The following FILIP1L variants were observed in gnomAD, a reference collection of about 807,000 sequenced individuals.
FILIP1L encodes filamin A-interacting protein 1-like.
Under a neutral mutation model 96.6 loss-of-function variants are expected in FILIP1L, and 55 were observed. The ratio of observed to expected loss-of-function variants is 0.57; its 90% confidence interval spans 0.46 to 0.71. The LOEUF (loss-of-function observed/expected upper bound fraction) is 0.71. FILIP1L is among the 30% of genes least tolerant of loss of function. The probability of loss-of-function intolerance (pLI) is 0.00; values close to 1 mark genes in which losing one functional copy is unlikely to be tolerated. For missense variants in FILIP1L, 1,304 were observed against 1,321.2 expected (o/e 0.99, Z 0.20); for synonymous variants, 467 against 473.9 (o/e 0.99, Z 0.19).
At chr3:99,905,932 C>G (rs1399591639) in intron 4 of FILIP1L, among the ~76,000 whole-genome samples, 1 of 152,196 alleles carries the variant, frequency 6.6e-6, no homozygotes, top group Admixed American at 6.5e-5. Context: ...GTGGCTCATG[C>G]TTGTAGTCCC....
At chr3:99,887,932 G>A (rs1013304063) in intron 4 of FILIP1L, among the ~76,000 whole-genome samples, 14 of 151,922 alleles carry the variant, frequency 9.2e-5, no homozygotes, top group Admixed American at 5.3e-4. Context: ...TAAAGATGGG[G>A]TTTTGCCATG....
intron 1 of FILIP1L, among the ~76,000 whole-genome samples, chr3:99,970,440 T>C (rs1384752384): frequency 6.6e-6 from 1 of 152,264 alleles, no homozygotes; most frequent in Admixed American, 6.5e-5. Flanking sequence ...CTAGTCAGTT[T>C]TGAAGTCTCA....
intron 4 of FILIP1L, among the ~76,000 whole-genome samples, chr3:99,897,433 G>A (rs1215045629): frequency 6.6e-6 from 1 of 151,752 alleles, no homozygotes; most frequent in East Asian, 1.9e-4. Flanking sequence ...TCAAAACAAA[G>A]CTAAGAAAAA....
chr3:99,903,547 G>A (rs539031044), intron 4 of FILIP1L, among the ~76,000 whole-genome samples: 1 of 152,258 alleles, frequency 6.6e-6, no homozygotes, highest in East Asian at 1.9e-4. Context: ...ACCGCGCCCG[G>A]CCATGTATGC....
intron 1 of FILIP1L, among the ~76,000 whole-genome samples, chr3:99,995,901 C>G (rs549781402): frequency 2.6e-5 from 4 of 152,200 alleles, no homozygotes; most frequent in Non-Finnish European, 5.9e-5. Flanking sequence ...ACCATTTTCT[C>G]GTAGGCCTCT....
At chr3:99,884,474 G>C (rs1705829417) in intron 4 of FILIP1L, among the ~76,000 whole-genome samples, 1 of 152,152 alleles carries the variant, frequency 6.6e-6, no homozygotes, top group Admixed American at 6.6e-5. Context: ...AGAAGTTCCA[G>C]GGAGTGGAAA....
intron 1 of FILIP1L, among the ~76,000 whole-genome samples, chr3:100,050,870 G>T (rs897036673): frequency 7.2e-5 from 11 of 152,262 alleles, no homozygotes; most frequent in Non-Finnish European, 1.5e-4. Context: ...AACTTTGGAA[G>T]ATAACTCTGT....
At chr3:100,067,279 C>G (rs948377128) in intron 1 of FILIP1L, among the ~76,000 whole-genome samples, 19 of 152,178 alleles carry the variant, frequency 1.2e-4, no homozygotes, top group South Asian at 4.1e-4. Context: ...CCTTTTCTCT[C>G]TTCTTGGCTT....
chr3:99,906,601 A>G (rs1160587893), intron 4 of FILIP1L, among the ~76,000 whole-genome samples: 1 of 152,226 alleles, frequency 6.6e-6, no homozygotes, highest in South Asian at 2.1e-4. Flanking sequence ...AACTTCTTCA[A>G]GGTCATGAAG....
intron 1 of FILIP1L, among the ~76,000 whole-genome samples, chr3:99,981,952 C>T (rs1310031480): frequency 6.6e-6 from 1 of 152,084 alleles, no homozygotes; most frequent in African/African-American, 2.4e-5. Flanking sequence ...ATAGTGAGAT[C>T]CTGCCTCTAC....
chr3:99,996,395 G>C lies in FILIP1L; in HGVS notation c.-10-65365C>G, dbSNP rs1390399451. Among the ~76,000 whole-genome samples the C allele has an allele frequency of 2.0e-5, 3 of 152,170 alleles. No individual in the cohort carries two copies. In the East Asian group the frequency reaches 5.8e-4, roughly 29 times the overall value. On this transcript the variant is annotated intron_variant, in intron 1 of 5. Coordinates refer to ENST00000477258, the MANE Select transcript of FILIP1L (RefSeq NM_001387850.1). ...GGCCTTGGTCAAAGCCATTCAGCAA[G>C]TCTCTAGGAAGTTCCAACTTTCCCA...
intron 4 of FILIP1L, among the ~76,000 whole-genome samples, chr3:99,854,340 C>T (rs907287287): frequency 6.6e-6 from 1 of 152,148 alleles, no homozygotes; most frequent in Admixed American, 6.5e-5. Context: ...ATCATGAACT[C>T]TCGGTTTGCT....
intron 4 of FILIP1L, among the ~76,000 whole-genome samples, chr3:99,882,009 G>A (rs554866966): frequency 2.6e-5 from 4 of 152,276 alleles, no homozygotes; most frequent in Admixed American, 2.6e-4. Flanking sequence ...CTTTGGAATA[G>A]TTGACCAACT....
At chr3:99,903,849 A>G (rs970555479) in intron 4 of FILIP1L, among the ~76,000 whole-genome samples, 9 of 152,212 alleles carry the variant, frequency 5.9e-5, no homozygotes, top group Non-Finnish European at 1.3e-4. Context: ...AGGCAGAAAT[A>G]AGAAATAATA....
At chr3:100,008,257 A>G (rs1445329289) in intron 1 of FILIP1L, among the ~76,000 whole-genome samples, 1 of 152,158 alleles carries the variant, frequency 6.6e-6, no homozygotes, top group Non-Finnish European at 1.5e-5. Flanking sequence ...CCTGCTTCCC[A>G]ATTAGATTCC....
chr3:100,036,775 A>C (rs989370127), intron 1 of FILIP1L, among the ~76,000 whole-genome samples: 2 of 152,100 alleles, frequency 1.3e-5, no homozygotes, highest in Non-Finnish European at 2.9e-5. Flanking sequence ...GGAGTAGAGA[A>C]GCCTGGTAGT....
intron 1 of FILIP1L, among the ~76,000 whole-genome samples, chr3:99,976,592 G>A (rs187816208): frequency 3.5e-4 from 53 of 152,208 alleles, no homozygotes; most frequent in African/African-American, 1.2e-3. Flanking sequence ...ATGATTTGCA[G>A]CAAGAAGTTT....
At chr3:99,993,389 G>A (rs1463930631) in intron 1 of FILIP1L, among the ~76,000 whole-genome samples, 4 of 152,002 alleles carry the variant, frequency 2.6e-5, no homozygotes, top group Non-Finnish European at 4.4e-5. Context: ...GGAGTCTTCA[G>A]GGTTTTCTAG....
intron 5 of FILIP1L, among the ~76,000 whole-genome samples, chr3:99,847,493 T>C (rs1348079219): frequency 6.6e-6 from 1 of 152,174 alleles, no homozygotes; most frequent in African/African-American, 2.4e-5. Context: ...AATGTAACTA[T>C]ATTTCCAAAT....
Sources: gnomAD v4.1 joint callset for allele counts (sites outside exome capture counted in the v4.1 genomes callset) on GRCh38, gnomAD v4.1.1 for gene constraint, MANE v1.5 for transcripts, NCBI Gene and HGNC (gene_info 2026-07-23, HGNC 2026-07-21) for gene names.